ST6GALNAC5: variants seen among roughly 807,000 people sequenced by gnomAD.
ST6GALNAC5 encodes the protein alpha-N-acetylgalactosaminide alpha-2,6-sialyltransferase 5.
A neutral mutation model predicts 33.6 loss-of-function variants in ST6GALNAC5; 27 were observed. The ratio of observed to expected loss-of-function variants is 0.80; its 90% confidence interval spans 0.59 to 1.11. The LOEUF (loss-of-function observed/expected upper bound fraction) is 1.11. ST6GALNAC5 is among the 50% of genes least tolerant of loss of function. The pLI is 0.00. For missense variants in ST6GALNAC5, 428 were observed against 454.0 expected, an observed-to-expected ratio of 0.94 and a Z score of 0.52; for synonymous variants, 194 against 171.2, an observed-to-expected ratio of 1.13 and a Z score of -1.04.
chr1:76,956,264 G>A (rs1647971979), intron 2 of ST6GALNAC5, among the ~76,000 whole-genome samples: 1 of 151,218 alleles, frequency 6.6e-6, no homozygotes, highest in South Asian at 2.1e-4. Flanking sequence ...ACCTAAGTGA[G>A]GCCCAAGATC....
intron 2 of ST6GALNAC5, among the ~76,000 whole-genome samples, chr1:76,974,326 C>G (rs928787111): frequency 6.6e-6 from 1 of 150,444 alleles, no homozygotes; most frequent in African/African-American, 2.4e-5. Flanking sequence ...CTACCTTTGC[C>G]TCCCAAGTAA....
intron 2 of ST6GALNAC5, among the ~76,000 whole-genome samples, chr1:76,916,872 C>T (rs1229614921): frequency 1.3e-5 from 2 of 151,976 alleles, no homozygotes; most frequent in Non-Finnish European, 2.9e-5. Flanking sequence ...AGTATAATTT[C>T]CCTGTAAATT....
At chr1:77,033,395 A>G (rs1198045188) in intron 2 of ST6GALNAC5, among the ~76,000 whole-genome samples, 1 of 152,218 alleles carries the variant, frequency 6.6e-6, no homozygotes, top group Non-Finnish European at 1.5e-5. Context: ...AGTTTAAATC[A>G]TTAAAGATTT....
intron 2 of ST6GALNAC5, among the ~76,000 whole-genome samples, chr1:76,939,621 C>T (rs949951252): frequency 1.3e-5 from 2 of 152,070 alleles, no homozygotes; most frequent in African/African-American, 2.4e-5. Context: ...TGCTCACTAA[C>T]GGTGTCTCCC....
chr1:77,062,090 A>G (rs1429311493), intron 4 of ST6GALNAC5, among the ~76,000 whole-genome samples: 1 of 152,224 alleles, frequency 6.6e-6, no homozygotes, highest in Non-Finnish European at 1.5e-5. Flanking sequence ...TGCTAATTCC[A>G]TATAAATTTA....
Position 77,056,820 on chromosome 1 carries a change from G to T in ST6GALNAC5, c.780-6155G>T, listed in dbSNP as rs148143993. 5.5e-3 allele frequency among the ~76,000 whole-genome samples: 835 copies of T among 152,234 alleles called. 6 individuals carry two copies. Among genetic ancestry groups the T allele is most frequent in the African/African-American group, 0.019 (786 of 41,526 alleles). ...GAACTGTGGGCAGCTGCAGGCTCTTGGTGCTCCATGCGCCTAGACACACAA... is the reference window on the plus strand; with the variant it reads ...GAACTGTGGGCAGCTGCAGGCTCTTTGTGCTCCATGCGCCTAGACACACAA... On this transcript the variant is annotated intron_variant, in intron 4 of 4. Coordinates refer to ENST00000477717, the MANE Select transcript of ST6GALNAC5 (RefSeq NM_030965.3).
chr1:77,033,401 G>A (rs533618008), intron 2 of ST6GALNAC5, among the ~76,000 whole-genome samples: 32 of 152,312 alleles, frequency 2.1e-4, no homozygotes, highest in African/African-American at 7.7e-4. Flanking sequence ...AATCATTAAA[G>A]ATTTTGATAA....
chr1:77,048,851 C>G (rs1423329396), intron 3 of ST6GALNAC5, among the ~76,000 whole-genome samples: 1 of 152,162 alleles, frequency 6.6e-6, no homozygotes, highest in Non-Finnish European at 1.5e-5. Flanking sequence ...ATTCCTATGC[C>G]TCCTTTATAG....
At chr1:76,934,382 A>T (rs1042334629) in intron 2 of ST6GALNAC5, among the ~76,000 whole-genome samples, 3 of 152,048 alleles carry the variant, frequency 2.0e-5, no homozygotes, top group Non-Finnish European at 2.9e-5. Context: ...AGGACAAGTT[A>T]TCTGTCTAAC....
chr1:77,046,852 A>G (rs749882751), intron 3 of ST6GALNAC5, among the ~76,000 whole-genome samples: 7 of 152,212 alleles, frequency 4.6e-5, no homozygotes, highest in African/African-American at 2.4e-5. Context: ...GCTATTTAGT[A>G]TAATTAAACA....
chr1:76,913,515 T>C (rs1269103035), intron 2 of ST6GALNAC5, among the ~76,000 whole-genome samples: 1 of 152,180 alleles, frequency 6.6e-6, no homozygotes, highest in Non-Finnish European at 1.5e-5. Context: ...GCAGAGTGTT[T>C]TCCAACTTGG....
intron 4 of ST6GALNAC5, among the ~76,000 whole-genome samples, chr1:77,058,478 G>A (rs1652472152): frequency 6.6e-6 from 1 of 152,108 alleles, no homozygotes; most frequent in African/African-American, 2.4e-5. Context: ...AAAAGAGCCT[G>A]GCACCTCCCC....
chr1:76,869,537 T>G (rs1273832723), intron 2 of ST6GALNAC5, among the ~76,000 whole-genome samples: 1 of 152,234 alleles, frequency 6.6e-6, no homozygotes, highest in Admixed American at 6.5e-5. Context: ...GCTGCTCGTA[T>G]GTTTTTATTA....
intron 2 of ST6GALNAC5, among the ~76,000 whole-genome samples, chr1:76,978,574 C>T (rs887040504): frequency 6.6e-5 from 10 of 152,164 alleles, no homozygotes; most frequent in South Asian, 2.1e-4. Flanking sequence ...TAAAATTCAA[C>T]GTCCTTTAAC....
intron 2 of ST6GALNAC5, among the ~76,000 whole-genome samples, chr1:76,927,027 A>G (rs1186808753): frequency 6.6e-6 from 1 of 152,006 alleles, no homozygotes; most frequent in East Asian, 1.9e-4. Flanking sequence ...TTGCTTTGTA[A>G]AGGTTTACTT....
chr1:76,988,920 T>C (rs975529225), intron 2 of ST6GALNAC5, among the ~76,000 whole-genome samples: 2 of 152,160 alleles, frequency 1.3e-5, no homozygotes, highest in Admixed American at 1.3e-4. Flanking sequence ...AAAACTATTG[T>C]TTGTAGCCCT....
intron 2 of ST6GALNAC5, among the ~76,000 whole-genome samples, chr1:76,960,594 T>A (rs1049113458): frequency 2.0e-5 from 3 of 152,118 alleles, no homozygotes; most frequent in African/African-American, 7.2e-5. Context: ...TATGGGAGAC[T>A]GGGGCTTATT....
chr1:77,000,831 G>A (rs34083089), intron 2 of ST6GALNAC5, among the ~76,000 whole-genome samples: 105 of 152,204 alleles, frequency 6.9e-4, no homozygotes, highest in East Asian at 3.3e-3. Flanking sequence ...TGAGGGCTCC[G>A]TTTTGTTCCA....
At chr1:76,905,911 G>A (rs563854596) in intron 2 of ST6GALNAC5, among the ~76,000 whole-genome samples, 13 of 152,218 alleles carry the variant, frequency 8.5e-5, no homozygotes, top group African/African-American at 2.4e-4. Flanking sequence ...TAGAGGGAGC[G>A]CTTTTTTAGC....
Sources: gnomAD v4.1 joint callset for allele counts (sites outside exome capture counted in the v4.1 genomes callset) on GRCh38, gnomAD v4.1.1 for gene constraint, MANE v1.5 for transcripts, NCBI Gene and HGNC (gene_info 2026-07-23, HGNC 2026-07-21) for gene names.